Variants in ABCB4 observed in about 807,000 individuals in gnomAD.
ABCB4 encodes the protein phosphatidylcholine translocator ABCB4.
A neutral mutation model predicts 145.7 loss-of-function variants in ABCB4; 76 were observed. The observed-to-expected ratio is 0.52, with a 90% CI of 0.43 to 0.63. ABCB4 has a LOEUF of 0.63. ABCB4 is among the 30% of genes least tolerant of loss of function. The pLI is 0.00. For missense variants in ABCB4, 1,234 were observed against 1,553.1 expected (o/e 0.79, Z 3.45); for synonymous variants, 517 against 566.8 (o/e 0.91, Z 1.25).
intron 3 of ABCB4, among the ~76,000 whole-genome samples, chr7:87,471,612 A>G (rs1813405718): frequency 6.6e-6 from 1 of 152,208 alleles, no homozygotes; most frequent in Non-Finnish European, 1.5e-5. Flanking sequence ...TTAATTACTA[A>G]GTTGGATTTC....
intron 3 of ABCB4, among the ~76,000 whole-genome samples, chr7:87,466,549 C>G (rs1167219572): frequency 6.6e-6 from 1 of 152,110 alleles, no homozygotes; most frequent in Non-Finnish European, 1.5e-5. Flanking sequence ...ATACAGAGAA[C>G]ACCACAAAGA....
chr7:87,444,725 C>A, intron 10 of ABCB4, 137 bp downstream of exon 10: 1 of 629,052 alleles, frequency 1.6e-6, no homozygotes, highest in South Asian at 2.0e-5. Flanking sequence ...ACAGGTCATT[C>A]ATTTCATATA....
chr7:87,406,001 G>T, intron 26 of ABCB4: 1 of 484,664 alleles, frequency 2.1e-6, no homozygotes, highest in Non-Finnish European at 3.7e-6. Context: ...TGTTTTAAAA[G>T]TACCATAGGG....
chr7:87,403,174 CA>C lies in ABCB4; in HGVS notation c.3593del (p.Leu1198TrpfsTer31). ...ALIRQPQILL[L>X]DEATSALDTE... Reference sequence around the variant, plus strand: ...TATCCAGAGCTGATGTAGCTTCATCCAACAGGAGGATTTGAGGTTGTCTGAT... The same window carrying C: ...TATCCAGAGCTGATGTAGCTTCATCCACAGGAGGATTTGAGGTTGTCTGAT... On this transcript the variant is annotated frameshift_variant, in exon 27 of 28. Transcript: ENST00000649586. LOFTEE classifies it high-confidence loss of function. The C allele has an allele frequency of 6.2e-7, 1 of 1,613,958 alleles. No homozygotes were observed. Among genetic ancestry groups the C allele is most frequent in the Non-Finnish European group, 8.5e-7 (1 of 1,179,924 alleles).
chr7:87,472,633 T>C lies in ABCB4; in HGVS notation c.123A>G (p.Gly41=). The change falls in exon 3 of 28, where the codon GGA becomes GGG. Residue 41 remains glycine (G), a synonymous_variant. Coordinates refer to ENST00000649586, the MANE Select transcript of ABCB4 (RefSeq NM_000443.4). ...TTTCACAGCTTACCAATGTTAATAC[T>C]CCAATCATTTTCACTGTCTTCGTTT... ...RKKTKTVKMI[G]VLTLFRYSDW... is the part of the protein sequence containing the mutation. 6 of 1,609,244 alleles carry C rather than the reference T, an allele frequency of 3.7e-6. No individual in the cohort carries two copies. The highest frequency in any genetic ancestry group is 5.1e-6 in the Non-Finnish European group (6 of 1,175,740).
In ABCB4 at chr7:87,443,387, T is replaced by C. The variant is rs374982234; in HGVS notation, c.1288A>G (p.Ser430Gly). Reference protein sequence around the residue: ...QSGQTVALVGSSGCGKSTTVQ... With the variant: ...QSGQTVALVGGSGCGKSTTVQ... ...GTTGTGCTCTTCCCACAGCCACTAC[T>C]TCCAACCAGGGCCACCGTCTGCCCA... The change falls in exon 12 of 28, where the codon AGT becomes GGT. Residue 430 changes from serine to glycine, a missense_variant. By Grantham distance (56) the Ser-to-Gly change is moderately conservative. This residue lies in a region of ABCB4 where 467 missense variants were observed against 632.8 expected (regional missense o/e 0.74). Transcript: ENST00000649586. 1 of 1,614,152 alleles carries C rather than the reference T, an allele frequency of 6.2e-7. No homozygotes were observed. Among genetic ancestry groups the C allele is most frequent in the Admixed American group, 1.7e-5 (1 of 60,022 alleles).
the ABCB4 span, among the ~76,000 whole-genome samples, chr7:87,393,486 A>G: frequency 2.6e-5 from 4 of 152,190 alleles, no homozygotes; most frequent in African/African-American, 4.8e-5. Context: ...AAACAGTTTT[A>G]CCAATTCAGA....
Position 87,408,241 on chromosome 7 carries a change from A to G in ABCB4, c.3082-7T>C. On this transcript the variant is annotated splice_polypyrimidine_tract_variant and splice_region_variant and intron_variant, in intron 24 of 27. Coordinates refer to ENST00000649586, the MANE Select transcript of ABCB4 (RefSeq NM_000443.4). The stretch of plus-strand genomic sequence containing the variant: ...TATTTCCTTCAAATTTATCCTGAAT[A>G]AATGTTTAAATGTTGCTATTATAAT... 6.2e-7 allele frequency: 1 copy of G among 1,610,804 alleles called. No individual in the cohort carries two copies. Among genetic ancestry groups the G allele is most frequent in the Non-Finnish European group, 8.5e-7 (1 of 1,177,154 alleles).
chr7:87,427,015 T>TA, intron 15 of ABCB4, 95 bp from the exon 16 acceptor site: 1 of 1,171,582 alleles, frequency 8.5e-7, no homozygotes, highest in Non-Finnish European at 1.2e-6. Flanking sequence ...TTTAGAATCA[T>TA]AAAGCAATTT....
intron 12 of ABCB4, among the ~76,000 whole-genome samples, chr7:87,441,432 C>G (rs1055882386): frequency 1.9e-4 from 27 of 140,676 alleles, no homozygotes; most frequent in South Asian, 1.5e-3. Flanking sequence ...TTTCTTGAAA[C>G]TTTTTACAAA....
chr7:87,432,694 T>G (rs1810328490), intron 14 of ABCB4, among the ~76,000 whole-genome samples: 1 of 152,146 alleles, frequency 6.6e-6, no homozygotes, highest in East Asian at 1.9e-4. Flanking sequence ...AGACAGAAGG[T>G]AGATTCATGG....
the ABCB4 span, among the ~76,000 whole-genome samples, chr7:87,393,590 G>A: frequency 6.6e-6 from 1 of 152,098 alleles, no homozygotes; most frequent in Non-Finnish European, 1.5e-5. Context: ...GAGTAGTGGA[G>A]AACAAGATAA....
rs112725169 is a variant in ABCB4, at chr7:87,472,745, T to C, written c.81-70A>G. 4.4e-5 allele frequency: 48 copies of C among 1,094,464 alleles called. No individual in the cohort carries two copies. In the African/African-American group the frequency reaches 6.2e-4, roughly 14 times the overall value. 67.8% of individuals were successfully genotyped at this position (1,094,464 alleles called of 1,614,324 possible). A position where few individuals can be genotyped will look rare whatever the true frequency, so the allele number is the denominator to read the frequency against. ...TTTTACAATCAATTGAACATAAATA[T>C]GTTTAGTTACAATATTCAACTATTA... On this transcript the variant is annotated intron_variant, in intron 2 of 27. Coordinates refer to ENST00000649586, the MANE Select transcript of ABCB4 (RefSeq NM_000443.4).
At chr7:87,371,005 G>C in the ABCB4 span, among the ~76,000 whole-genome samples, 1 of 152,204 alleles carries the variant, frequency 6.6e-6, no homozygotes, top group Admixed American at 6.5e-5. Flanking sequence ...AATACACAGA[G>C]TAGAAGATGT....
the ABCB4 span, among the ~76,000 whole-genome samples, chr7:87,373,094 C>T: frequency 6.6e-6 from 1 of 152,084 alleles, no homozygotes; most frequent in East Asian, 1.9e-4. Context: ...GTTCCAGTTT[C>T]TCCACATCTT....
At chr7:87,389,444 T>TA in the ABCB4 span, among the ~76,000 whole-genome samples, 1 of 152,000 alleles carries the variant, frequency 6.6e-6, no homozygotes, top group Non-Finnish European at 1.5e-5. Flanking sequence ...TATGCAGCCA[T>TA]AAAAGAGGAT....
At chr7:87,459,666 C>T (rs1812324530) in intron 4 of ABCB4, among the ~76,000 whole-genome samples, 1 of 152,018 alleles carries the variant, frequency 6.6e-6, no homozygotes, top group Non-Finnish European at 1.5e-5. Context: ...AGGGAGACAT[C>T]ACACCCACCC....
rs1393921190 is a variant in ABCB4 at position 87,462,922 on chromosome 7, A to G, written c.136-14T>C. On this transcript the variant is annotated splice_polypyrimidine_tract_variant and intron_variant, in intron 3 of 27. Coordinates refer to ENST00000649586, the MANE Select transcript of ABCB4 (RefSeq NM_000443.4). Reference sequence around the variant, plus strand: ...GGAGTATCGAAACTAAAAAAAGGAAATAAAATAATACTTAGCTGTGGAATG... The same window carrying G: ...GGAGTATCGAAACTAAAAAAAGGAAGTAAAATAATACTTAGCTGTGGAATG... 3 of 1,610,492 alleles carry G rather than the reference A, an allele frequency of 1.9e-6. No homozygotes were observed. In the African/African-American group the frequency reaches 4.0e-5, roughly 22 times the overall value.
chr7:87,462,318 TTTTAAGG>T (rs1812511386), intron 4 of ABCB4, among the ~76,000 whole-genome samples: 1 of 152,132 alleles, frequency 6.6e-6, no homozygotes, highest in Non-Finnish European at 1.5e-5. Context: ...GTATAATTTT[TTTTAAGG>T]TGAAGGGGAG....
Sources: allele counts gnomAD v4.1 joint callset (sites outside exome capture counted in the v4.1 genomes callset), GRCh38; gene constraint gnomAD v4.1.1; regional missense constraint gnomAD v4.1.1; transcripts MANE v1.5; gene names NCBI Gene and HGNC (gene_info 2026-07-23, HGNC 2026-07-21).